The following FMN1 variants were observed in gnomAD, a reference collection of about 807,000 sequenced individuals.
The protein encoded by FMN1 is formin-1.
Under a neutral mutation model 132.4 loss-of-function variants are expected in FMN1, and 110 were observed. That is an observed-to-expected ratio of 0.83 (90% CI 0.71 to 0.97). The LOEUF (loss-of-function observed/expected upper bound fraction) is 0.97. Ranked by LOEUF, FMN1 falls within the 50% of genes least tolerant of loss-of-function variation. The pLI, the probability that FMN1 is intolerant of heterozygous loss-of-function variation, is 0.00. For missense variants in FMN1, 1,792 were observed against 1,705.3 expected (o/e 1.05, Z -0.90); for synonymous variants, 722 against 651.7 (o/e 1.11, Z -1.64).
chr15:32,977,366 T>C (rs969486703), intron 7 of FMN1, among the ~76,000 whole-genome samples: 1 of 152,190 alleles, frequency 6.6e-6, no homozygotes, highest in African/African-American at 2.4e-5. Context: ...AAAAAGATAC[T>C]TTCTAGTCAC....
At chr15:32,888,128 A>G in intron 16 of FMN1, 44 bp downstream of exon 16, 1 of 1,526,484 alleles carries the variant, frequency 6.6e-7, no homozygotes, top group Non-Finnish European at 8.8e-7. Flanking sequence ...ATTTTTTAAA[A>G]GTAATCTTAG....
chr15:32,944,915 A>G (rs1008274468), intron 9 of FMN1, among the ~76,000 whole-genome samples: 2 of 152,180 alleles, frequency 1.3e-5, no homozygotes, highest in African/African-American at 4.8e-5. Flanking sequence ...ACCAAGAGAC[A>G]TCAGTGCATT....
Position 33,153,746 on chromosome 15 carries a change from C to A in FMN1, c.1169G>T (p.Arg390Leu), listed in dbSNP as rs746675773. The A allele has an allele frequency of 6.5e-7, 1 of 1,536,134 alleles. No individual in the cohort carries two copies. Among genetic ancestry groups the A allele is most frequent in the Admixed American group, 2.0e-5 (1 of 50,986 alleles). ...AHGSRRQGKE[R>L]QGDRSSQSPA... ...CGACTGCGATGACCTATCCCCTTGC[C>A]GCTCCTTGCCCTGCCGCCTGGAGCC... is the stretch of plus-strand genomic sequence containing the variant. The change falls in exon 4 of 21, where the codon CGG (arginine) becomes CTG (leucine). Residue 390 changes from arginine (R) to leucine (L), a missense_variant. By Grantham distance (102) the Arg-to-Leu change is moderately radical. This residue lies in a region of FMN1 where 638 missense variants were observed against 645.2 expected (regional missense o/e 0.99). Coordinates refer to ENST00000616417, the MANE Select transcript of FMN1 (RefSeq NM_001277313.2).
At chr15:33,077,568 T>C (rs375024475) in intron 5 of FMN1, among the ~76,000 whole-genome samples, 4 of 151,628 alleles carry the variant, frequency 2.6e-5, no homozygotes, top group African/African-American at 4.8e-5. Context: ...CCTATGTCCA[T>C]GTGTTCTCAC....
intron 4 of FMN1, among the ~76,000 whole-genome samples, chr15:33,117,345 T>C (rs1460945804): frequency 6.6e-6 from 1 of 151,970 alleles, no homozygotes; most frequent in East Asian, 1.9e-4. Flanking sequence ...AAGAGTAATC[T>C]AAAATCTTGA....
At chr15:32,922,060 G>C (rs1275241190) in intron 10 of FMN1, among the ~76,000 whole-genome samples, 2 of 152,176 alleles carry the variant, frequency 1.3e-5, no homozygotes, top group Non-Finnish European at 2.9e-5. Flanking sequence ...TTTACAGGAA[G>C]AGTCAAGATA....
intron 4 of FMN1, among the ~76,000 whole-genome samples, chr15:33,105,308 AAAAT>A (rs1244846184): frequency 7.2e-5 from 11 of 152,102 alleles, no homozygotes; most frequent in African/African-American, 2.7e-4. Context: ...TGTCAAGAAA[AAAAT>A]AAAACGGACA....
intron 19 of FMN1, among the ~76,000 whole-genome samples, chr15:32,788,546 T>C (rs17816375): frequency 0.25 from 37,609 of 152,050 alleles, 4,736 homozygotes; most frequent in Non-Finnish European, 0.28. Flanking sequence ...ACAGGGAAGA[T>C]TGTCTGGAGT....
chr15:32,985,043 T>TAAAATCCCCCA (rs1213412274), intron 7 of FMN1, among the ~76,000 whole-genome samples: 2 of 147,708 alleles, frequency 1.4e-5, no homozygotes, highest in Admixed American at 1.3e-4. Flanking sequence ...TTCTTCAGAA[T>TAAAATCCCCCA]AAAATCCCCC....
intron 6 of FMN1, among the ~76,000 whole-genome samples, chr15:33,059,998 T>G (rs1163313625): frequency 6.6e-6 from 1 of 152,222 alleles, no homozygotes; most frequent in Non-Finnish European, 1.5e-5. Context: ...ATATACTAAG[T>G]GGAAGCTTAG....
At chr15:32,928,466 C>T (rs1337336474) in intron 9 of FMN1, among the ~76,000 whole-genome samples, 3 of 152,162 alleles carry the variant, frequency 2.0e-5, no homozygotes. Flanking sequence ...TAGCCATGCA[C>T]CCATTCAAAA....
chr15:33,097,505 A>C (rs995099705), intron 4 of FMN1, among the ~76,000 whole-genome samples: 1 of 152,178 alleles, frequency 6.6e-6, no homozygotes, highest in Non-Finnish European at 1.5e-5. Flanking sequence ...GACAATTATA[A>C]AAGTGGACAA....
chr15:33,154,014 C>A lies in FMN1; in HGVS notation c.901G>T (p.Asp301Tyr). Residue 301 changes from aspartate to tyrosine, a missense_variant, in exon 4 of 21, where the codon GAC (aspartate) becomes TAC (tyrosine). By Grantham distance (160) the Asp-to-Tyr change is radical. This residue lies in a region of FMN1 where 638 missense variants were observed against 645.2 expected (regional missense o/e 0.99). Coordinates refer to ENST00000616417, the MANE Select transcript of FMN1 (RefSeq NM_001277313.2). ...QQTGLSESHQDPEKHPEAEKD... is the reference protein window; with the variant it reads ...QQTGLSESHQYPEKHPEAEKD... ...TCTGCCTCTGGATGCTTCTCAGGGT[C>A]CTGGTGACTTTCAGACAAACCTGTT... 1 of 1,536,570 alleles carries A rather than the reference C, an allele frequency of 6.5e-7. No individual in the cohort carries two copies. The highest frequency in any genetic ancestry group is 8.7e-7 in the Non-Finnish European group (1 of 1,147,026).
intron 19 of FMN1, among the ~76,000 whole-genome samples, chr15:32,791,508 A>C: frequency 6.6e-6 from 1 of 152,202 alleles, no homozygotes; most frequent in Non-Finnish European, 1.5e-5. Flanking sequence ...CTATGATCTA[A>C]ATTCTGTTTT....
At chr15:33,183,572 TG>T (rs1280061049) in intron 2 of FMN1, among the ~76,000 whole-genome samples, 1 of 152,220 alleles carries the variant, frequency 6.6e-6, no homozygotes, top group African/African-American at 2.4e-5. Context: ...TTAGTAATAA[TG>T]GGTTACATAA....
chr15:32,979,576 A>G (rs1364351417), intron 7 of FMN1, among the ~76,000 whole-genome samples: 2 of 151,354 alleles, frequency 1.3e-5, no homozygotes, highest in South Asian at 2.1e-4. Flanking sequence ...AAAAAAAAAA[A>G]AAAGAAACCA....
chr15:33,161,619 A>G (rs946588289), intron 3 of FMN1, among the ~76,000 whole-genome samples: 13 of 152,116 alleles, frequency 8.5e-5, no homozygotes, highest in African/African-American at 3.1e-4. Context: ...CAAAGAGTAG[A>G]TTAAAAAAAC....
intron 15 of FMN1, among the ~76,000 whole-genome samples, chr15:32,897,725 A>G (rs541445840): frequency 5.7e-4 from 87 of 152,306 alleles, no homozygotes; most frequent in African/African-American, 2.0e-3. Context: ...AGGGTGTGGG[A>G]TGGCTTAGAG....
intron 19 of FMN1, among the ~76,000 whole-genome samples, chr15:32,778,290 A>T (rs12912378): frequency 0.18 from 26,545 of 143,546 alleles, 2,679 homozygotes; most frequent in Middle Eastern, 0.27. Context: ...ATATATATAT[A>T]TTTTTTTGAG....
Sources: gnomAD v4.1 joint callset for allele counts (sites outside exome capture counted in the v4.1 genomes callset) on GRCh38, gnomAD v4.1.1 for gene constraint, gnomAD v4.1.1 regional missense constraint, MANE v1.5 for transcripts, NCBI Gene and HGNC (gene_info 2026-07-23, HGNC 2026-07-21) for gene names.